DDRGK1: variants seen among roughly 807,000 people sequenced by gnomAD.
DDRGK1 encodes DDRGK domain-containing protein 1.
In DDRGK1, 38 loss-of-function variants were observed where a neutral mutation model predicts 45.8. The ratio of observed to expected loss-of-function variants is 0.83; its 90% CI spans 0.64 to 1.09. DDRGK1 has a LOEUF of 1.09. DDRGK1 is among the 50% of genes least tolerant of loss of function. DDRGK1 has a pLI of 0.00. For missense variants in DDRGK1, 403 were observed against 419.9 expected (o/e 0.96, Z 0.35); for synonymous variants, 171 against 168.7 (o/e 1.01, Z -0.11).
chr20:3,194,720 C>T, intron 6 of DDRGK1, 110 bp downstream of exon 6: 32 of 1,432,378 alleles, frequency 2.2e-5, no homozygotes, highest in Non-Finnish European at 2.9e-5. Flanking sequence ...GCCCCCCTGT[C>T]CACTCCTGCA....
rs545475984 is a variant in DDRGK1 at position 3,200,509 on chromosome 20, G to A, written c.296-55C>T. 340 of 1,483,722 alleles carry A rather than the reference G, an allele frequency of 2.3e-4. No individual in the cohort carries two copies. The African/African-American group carries it at 3.8e-3, about 16-fold the overall frequency. 91.9% of individuals were successfully genotyped at this position (1,483,722 alleles called of 1,614,324 possible). On this transcript the variant is annotated intron_variant, in intron 2 of 8. Coordinates refer to ENST00000354488, the MANE Select transcript of DDRGK1 (RefSeq NM_023935.3). ...GTTCTGACCAGAGAGGACTGATGAC[G>A]ATGGATCCCCAACCCCTCGTCCCTC... is the stretch of plus-strand genomic sequence containing the variant.
chr20:3,190,485 G>T lies in DDRGK1; in HGVS notation c.*168C>A. Reference sequence around the variant, plus strand: ...TTTCACCTGCTTATCTAGGATCCTAGGCCAGGCCTTCTGCCACACCAAGCC... The same window carrying T: ...TTTCACCTGCTTATCTAGGATCCTATGCCAGGCCTTCTGCCACACCAAGCC... On this transcript the variant is annotated 3_prime_UTR_variant, in exon 9 of 9. Coordinates refer to ENST00000354488, the MANE Select transcript of DDRGK1 (RefSeq NM_023935.3). 2.4e-6 allele frequency: 2 copies of T among 820,678 alleles called. No homozygotes were observed. The highest frequency in any genetic ancestry group is 3.8e-6 in the Non-Finnish European group (2 of 527,392). The allele number at this position is 820,678 out of a possible 1,614,324, so 50.8% of individuals were successfully genotyped here.
chr20:3,191,972 G>GACACACACACACACAC (rs150309651), intron 6 of DDRGK1, 151 bp from the exon 7 acceptor site: 11 of 562,656 alleles, frequency 2.0e-5, no homozygotes, highest in Middle Eastern at 4.6e-4. Flanking sequence ...TTGCTCCCCT[G>GACACACACACACACAC]ACACACACAC....
At chr20:3,203,170 CT>C (rs1568502032) in intron 2 of DDRGK1, 42 bp downstream of exon 2, 1 of 1,483,638 alleles carries the variant, frequency 6.7e-7, no homozygotes, top group Non-Finnish European at 9.0e-7. Context: ...TTATCCCCCC[CT>C]CCAACCCAAA....
chr20:3,200,376 A>G lies in DDRGK1; in HGVS notation c.374T>C (p.Leu125Pro). Residue 125 changes from leucine to proline, a missense_variant, in exon 3 of 9, where the codon CTG becomes CCG. Coordinates refer to ENST00000354488, the MANE Select transcript of DDRGK1 (RefSeq NM_023935.3). Reference sequence around the variant, plus strand: ...GGCCTTTCGCGCTTGTTTCTCCTCCAGCTTCCGCAGTTTCTTAGCTCCAAT... The same window carrying G: ...GGCCTTTCGCGCTTGTTTCTCCTCCGGCTTCCGCAGTTTCTTAGCTCCAAT... ...GKIGAKKLRK[L>P]EEKQARKAQR... 6.3e-7 allele frequency: 1 copy of G among 1,576,890 alleles called. No homozygotes were observed. The highest frequency in any genetic ancestry group is 1.2e-5 in the South Asian group (1 of 85,740).
In DDRGK1 at chr20:3,200,434, C is replaced by T. The variant is rs746810966; in HGVS notation, c.316G>A (p.Glu106Lys). The T allele has an allele frequency of 1.3e-5, 20 of 1,577,344 alleles. No individual in the cohort carries two copies. Among genetic ancestry groups the T allele is most frequent in the Admixed American group, 1.1e-4 (6 of 54,660 alleles). ...VILAQEEEGV[E>K]KPAETHLSGK... ...GACAGGTGAGTTTCCGCTGGCTTCT[C>T]GACACCTTCCTCCTCCTGGGCTGGG... is the stretch of plus-strand genomic sequence containing the variant. The change falls in exon 3 of 9, where the codon GAG becomes AAG. Residue 106 changes from glutamate to lysine, a missense_variant. By Grantham distance (56) the Glu-to-Lys change is moderately conservative. Coordinates refer to ENST00000354488, the MANE Select transcript of DDRGK1 (RefSeq NM_023935.3).
Position 3,190,438 on chromosome 20 carries a change from C to T in DDRGK1, c.*215G>A, listed in dbSNP as rs2066984444. The T allele has an allele frequency of 3.4e-6, 2 of 584,050 alleles. No individual in the cohort carries two copies. Among genetic ancestry groups the T allele is most frequent in the Non-Finnish European group, 5.9e-6 (2 of 337,138 alleles). 36.2% of individuals were successfully genotyped at this position (584,050 alleles called of 1,614,324 possible). On this transcript the variant is annotated 3_prime_UTR_variant, in exon 9 of 9. Transcript: ENST00000354488. ...CTTCCAAGGGACCCTCCCCACCTCT[C>T]GGATATATTCTGAAGCCTAAATTTC...
intron 2 of DDRGK1, among the ~76,000 whole-genome samples, chr20:3,201,670 T>A (rs916378455): frequency 6.6e-6 from 1 of 151,532 alleles, no homozygotes; most frequent in Non-Finnish European, 1.5e-5. Flanking sequence ...TGGTTTTTTT[T>A]TTTTTGAGAC....
At chr20:3,195,131 G>C in intron 5 of DDRGK1, 100 bp downstream of exon 5, 2 of 1,584,014 alleles carry the variant, frequency 1.3e-6, no homozygotes, top group African/African-American at 2.7e-5. Context: ...ACCTCTCACT[G>C]CCTGGCCAGG....
Position 3,204,480 on chromosome 20 carries a change from G to C in DDRGK1, c.91+57C>G, listed in dbSNP as rs74787085. ...GAGCCGCGGCGCGACGGTCCACAAA[G>C]GCTCAGAAGGCCAGAAAACCCGGTA... On this transcript the variant is annotated intron_variant, in intron 1 of 8. Transcript: ENST00000354488. 4,103 of 1,512,242 alleles carry C rather than the reference G, an allele frequency of 2.7e-3. 116 individuals are homozygous for C. In the African/African-American group the frequency reaches 0.052, roughly 19 times the overall value. The allele number at this position is 1,512,242 out of a possible 1,614,324, so 93.7% of individuals were successfully genotyped here.
At chr20:3,197,918 T>A in intron 4 of DDRGK1, among the ~76,000 whole-genome samples, 1 of 127,122 alleles carries the variant, frequency 7.9e-6, no homozygotes, top group Non-Finnish European at 1.6e-5. Flanking sequence ...CAAGACTGTA[T>A]CTCAAAAAAA....
intron 2 of DDRGK1, among the ~76,000 whole-genome samples, 196 bp downstream of exon 2, chr20:3,203,017 G>C (rs941592023): frequency 6.6e-6 from 1 of 152,044 alleles, no homozygotes; most frequent in Non-Finnish European, 1.5e-5. Flanking sequence ...GACACTGAGA[G>C]CCAAGATGAA....
At chr20:3,199,025 T>C (rs1226726648) in intron 4 of DDRGK1, among the ~76,000 whole-genome samples, 1 of 147,620 alleles carries the variant, frequency 6.8e-6, no homozygotes, top group Admixed American at 6.8e-5. Flanking sequence ...TGCACACCTA[T>C]AGTCCCAGCT....
In DDRGK1 at chr20:3,203,218, A is replaced by T; in HGVS notation, c.290T>A (p.Ile97Asn). 6.3e-7 allele frequency: 1 copy of T among 1,579,790 alleles called. No individual in the cohort carries two copies. Among genetic ancestry groups the T allele is most frequent in the South Asian group, 1.1e-5 (1 of 87,208 alleles). Residue 97 changes from isoleucine to asparagine, a missense_variant, in exon 2 of 9, where the codon ATC (isoleucine) becomes AAC (asparagine). Transcript: ENST00000354488. ...EADENEEEAV[I>N]LAQEEEGVEK... ...CCAGGCTGGGCCCCTCTCACCTAGGATGACAGCTTCCTCCTCGTTCTCATC... is the reference window on the plus strand; with the variant it reads ...CCAGGCTGGGCCCCTCTCACCTAGGTTGACAGCTTCCTCCTCGTTCTCATC...
intron 2 of DDRGK1, among the ~76,000 whole-genome samples, chr20:3,202,782 GAT>G (rs2067045573): frequency 6.6e-6 from 1 of 152,178 alleles, no homozygotes; most frequent in Non-Finnish European, 1.5e-5. Flanking sequence ...TGGAAGCAGG[GAT>G]ATGGAGGCCT....
intron 2 of DDRGK1, among the ~76,000 whole-genome samples, chr20:3,201,287 C>CAA (rs60867959): frequency 1.1e-4 from 10 of 94,438 alleles, no homozygotes; most frequent in South Asian, 3.5e-4. Flanking sequence ...GACTCTGTCT[C>CAA]AAAAAAAAAA....
chr20:3,198,694 C>A (rs1331397725), intron 4 of DDRGK1, among the ~76,000 whole-genome samples: 2 of 106,674 alleles, frequency 1.9e-5, no homozygotes, highest in South Asian at 3.7e-4. Flanking sequence ...GAGTGGAACT[C>A]CGTTTCAAAA....
At chr20:3,191,063 G>GT (rs2066987426) in intron 8 of DDRGK1, 127 bp downstream of exon 8, 3 of 1,289,338 alleles carry the variant, frequency 2.3e-6, no homozygotes, top group Non-Finnish European at 3.3e-6. Context: ...GCTACTCAGT[G>GT]CCCCTCCTTG....
At chr20:3,201,307 A>G (rs1443680290) in intron 2 of DDRGK1, among the ~76,000 whole-genome samples, 18 of 120,954 alleles carry the variant, frequency 1.5e-4, no homozygotes, top group Middle Eastern at 4.2e-3. Flanking sequence ...AAAAAAAAAA[A>G]AATTAGCCAG....
Sources: allele counts gnomAD v4.1 joint callset (sites outside exome capture counted in the v4.1 genomes callset), GRCh38; gene constraint gnomAD v4.1.1; transcripts MANE v1.5; gene names NCBI Gene and HGNC (gene_info 2026-07-23, HGNC 2026-07-21).